NPNT: variants seen among roughly 807,000 people sequenced by gnomAD.
NPNT encodes the protein nephronectin, also known as preosteoblast EGF-like repeat protein with MAM domain.
Under a neutral mutation model 68.6 loss-of-function variants are expected in NPNT, and 45 were observed. The observed-to-expected ratio is 0.66, with a 90% CI of 0.52 to 0.84. The LOEUF (loss-of-function observed/expected upper bound fraction) is 0.84, where lower values mean the gene tolerates loss of function less well. Ranked by LOEUF, NPNT falls within the 40% of genes least tolerant of loss-of-function variation. The pLI is 0.00. For missense variants in NPNT, 672 were observed against 714.8 expected (o/e 0.94, Z 0.68); for synonymous variants, 233 against 253.3 (o/e 0.92, Z 0.76).
chr4:105,908,876 G>A (rs563049747), intron 2 of NPNT, among the ~76,000 whole-genome samples: 1 of 152,074 alleles, frequency 6.6e-6, no homozygotes, highest in South Asian at 2.1e-4. Context: ...CCTTATTTTC[G>A]TAAATCAAAG....
chr4:105,965,496 G>A (rs750743357), intron 10 of NPNT, among the ~76,000 whole-genome samples: 9 of 152,154 alleles, frequency 5.9e-5, no homozygotes, highest in Non-Finnish European at 1.2e-4. Flanking sequence ...ATACCTTGGT[G>A]TGTTAGGTTG....
At chr4:105,931,609 G>A (rs1185388668) in intron 3 of NPNT, among the ~76,000 whole-genome samples, 2 of 149,370 alleles carry the variant, frequency 1.3e-5, no homozygotes, top group African/African-American at 2.5e-5. Context: ...CGGATCACGA[G>A]GTCAGGATAT....
intron 8 of NPNT, among the ~76,000 whole-genome samples, chr4:105,947,598 G>T (rs1730485320): frequency 6.6e-6 from 1 of 152,066 alleles, no homozygotes; most frequent in Non-Finnish European, 1.5e-5. Flanking sequence ...AGGGTTAATG[G>T]ACACAGTTGT....
In NPNT at chr4:105,968,918, G is replaced by C. The variant is rs1172062091; in HGVS notation, c.1626G>C (p.Arg542Ser). 1.9e-6 allele frequency: 3 copies of C among 1,611,950 alleles called. No individual in the cohort carries two copies. In the South Asian group the frequency reaches 3.3e-5, roughly 18 times the overall value. Residue 542 changes from arginine (R) to serine (S), a missense_variant, in exon 12 of 12, where the codon AGG becomes AGC. By Grantham distance (110) the Arg-to-Ser change is moderately radical (BLOSUM62 -1). Coordinates refer to ENST00000379987, the MANE Select transcript of NPNT (RefSeq NM_001033047.3). ...IKSVVFKGEKRRGHTGEIGLD... is the reference protein window; with the variant it reads ...IKSVVFKGEKSRGHTGEIGLD... ...AGGTCGTCTTCAAAGGTGAAAAAAG[G>C]CGTGGTCACACTGGGGAGATTGGAT...
chr4:105,896,068 A>C (rs1725814154), intron 1 of NPNT: 1 of 305,810 alleles, frequency 3.3e-6, no homozygotes, highest in South Asian at 4.8e-5. Flanking sequence ...CGCGCGAAAC[A>C]TCCCTTACCC....
rs145774283 is a variant in NPNT at position 105,952,922 on chromosome 4, G to A, written c.1160-5549G>A. On this transcript the variant is annotated intron_variant, in intron 8 of 11. Transcript: ENST00000379987. ...GGAACCATTGGCTTAGAAGAGAGGA[G>A]AAGGGGAGGCCGAGGCAGGTGGATC... Among the ~76,000 whole-genome samples the A allele has an allele frequency of 8.6e-3, 1,310 of 152,248 alleles. 15 individuals carry two copies. Among genetic ancestry groups the A allele is most frequent in the African/African-American group, 0.029 (1,186 of 41,548 alleles).
intron 8 of NPNT, among the ~76,000 whole-genome samples, chr4:105,957,600 AT>A (rs1413636768): frequency 2.0e-5 from 3 of 152,194 alleles, no homozygotes; most frequent in African/African-American, 7.2e-5. Flanking sequence ...CAAATAAGAC[AT>A]GATTGATGCC....
chr4:105,937,453 TAA>T (rs750526355), intron 4 of NPNT, among the ~76,000 whole-genome samples: 31 of 120,842 alleles, frequency 2.6e-4, no homozygotes, highest in Non-Finnish European at 2.6e-4. Context: ...GATTCCAGGC[TAA>T]AAAAAAAAAA....
chr4:105,909,889 T>C (rs1185119776), intron 2 of NPNT, among the ~76,000 whole-genome samples: 1 of 152,190 alleles, frequency 6.6e-6, no homozygotes, highest in Non-Finnish European at 1.5e-5. Flanking sequence ...GCTGTGCTGC[T>C]TGCTTAAGGG....
At chr4:105,961,618 TC>T (rs1264414883) in intron 10 of NPNT, among the ~76,000 whole-genome samples, 2 of 152,208 alleles carry the variant, frequency 1.3e-5, no homozygotes, top group African/African-American at 4.8e-5. Context: ...GACCCAAATC[TC>T]CCTTTCTCTC....
In NPNT at chr4:105,971,168, C is replaced by T. The variant is rs1732539474; in HGVS notation, c.*2178C>T. On this transcript the variant is annotated 3_prime_UTR_variant, in exon 12 of 12. Transcript: ENST00000379987. ...ATTTTCATCGGGTGCATTCTCTCTG[C>T]TTCGTGTGTGACAAGTTATCTTGGC... The T allele has an allele frequency of 1.8e-5, 8 of 455,520 alleles. No homozygotes were observed. The highest frequency in any genetic ancestry group is 1.2e-4 in the South Asian group (8 of 64,516). The allele number at this position is 455,520 out of a possible 1,614,324, so 28.2% of individuals were successfully genotyped here. A position where few individuals can be genotyped will look rare whatever the true frequency, so the allele number is the denominator to read the frequency against.
rs564163030 is a variant in NPNT, at chr4:105,948,848, T to G, written c.1159+6146T>G. 5.9e-5 allele frequency among the ~76,000 whole-genome samples: 9 copies of G among 152,242 alleles called. No individual in the cohort carries two copies. The South Asian group carries it at 1.9e-3, about 32-fold the overall frequency. On this transcript the variant is annotated intron_variant, in intron 8 of 11. Coordinates refer to ENST00000379987, the MANE Select transcript of NPNT (RefSeq NM_001033047.3). ...CCTGAGCTCAAGGAATCCTCCCACC[T>G]TGGCCTCCCCAAGTGCTGGGATTCT...
intron 10 of NPNT, among the ~76,000 whole-genome samples, chr4:105,962,446 T>C (rs1731793955): frequency 6.6e-6 from 1 of 152,106 alleles, no homozygotes; most frequent in Non-Finnish European, 1.5e-5. Flanking sequence ...GAGATTCATT[T>C]TGGCTCACTG....
At chr4:105,960,711 TATC>T (rs1463352948) in intron 10 of NPNT, among the ~76,000 whole-genome samples, 1 of 152,156 alleles carries the variant, frequency 6.6e-6, no homozygotes, top group Non-Finnish European at 1.5e-5. Flanking sequence ...AGGACAGCAT[TATC>T]ATTAATGTCA....
intron 2 of NPNT, among the ~76,000 whole-genome samples, chr4:105,919,690 T>C (rs545918727): frequency 1.3e-5 from 2 of 152,236 alleles, no homozygotes; most frequent in Non-Finnish European, 2.9e-5. Flanking sequence ...TTCTGCATCA[T>C]TAGATTAGAA....
At chr4:105,911,949 G>T (rs1242079414) in intron 2 of NPNT, 3 of 476,460 alleles carry the variant, frequency 6.3e-6, no homozygotes, top group Non-Finnish European at 1.1e-5. Flanking sequence ...GACTATAGAA[G>T]AATAGCATAA....
At chr4:105,936,384 A>C (rs968864427) in intron 3 of NPNT, among the ~76,000 whole-genome samples, 5 of 152,226 alleles carry the variant, frequency 3.3e-5, no homozygotes, top group African/African-American at 1.2e-4. Flanking sequence ...AAAAACTACA[A>C]TATTGATCAC....
intron 8 of NPNT, among the ~76,000 whole-genome samples, chr4:105,946,032 C>T (rs1400828278): frequency 6.6e-6 from 1 of 152,116 alleles, no homozygotes; most frequent in Non-Finnish European, 1.5e-5. Context: ...GTGAGCAAAA[C>T]CAGAAATCAG....
rs191531605 is a variant in NPNT at position 105,938,182 on chromosome 4, C to T, written c.386-119C>T. The T allele has an allele frequency of 1.8e-4, 157 of 890,864 alleles. 3 individuals carry two copies. In the Admixed American group the frequency reaches 4.1e-3, roughly 23 times the overall value. The allele number at this position is 890,864 out of a possible 1,614,324, so 55.2% of individuals were successfully genotyped here. Reference sequence around the variant, plus strand: ...TCTTTAGATGTTTGATAGTTAAGGCCTCTTTGTCTTCATTGTTGTTCAGTG... The same window carrying T: ...TCTTTAGATGTTTGATAGTTAAGGCTTCTTTGTCTTCATTGTTGTTCAGTG... On this transcript the variant is annotated intron_variant, in intron 4 of 11. Transcript: ENST00000379987.
Sources: allele counts gnomAD v4.1 joint callset (sites outside exome capture counted in the v4.1 genomes callset), GRCh38; gene constraint gnomAD v4.1.1; transcripts MANE v1.5; gene names NCBI Gene and HGNC (gene_info 2026-07-23, HGNC 2026-07-21).